Variants in HMCN2 observed in about 807,000 individuals in gnomAD.
The protein encoded by HMCN2 is hemicentin 2, also known as hemicentin-2.
HMCN2 carries 325 observed loss-of-function variants against 377.5 expected under a neutral mutation model. The ratio of observed to expected loss-of-function variants is 0.86; its 90% CI spans 0.79 to 0.94. The LOEUF is 0.94. HMCN2 is among the 40% of genes least tolerant of loss of function. HMCN2 has a pLI of 0.00. For synonymous variants in HMCN2, 2,007 were observed against 2,046.8 expected (o/e 0.98, Z 0.53); for missense variants, 4,543 against 4,725.3 (o/e 0.96, Z 1.13).
intron 22 of HMCN2, among the ~76,000 whole-genome samples, chr9:130,333,176 G>A (rs1053701086): frequency 2.6e-5 from 4 of 152,182 alleles, no homozygotes; most frequent in East Asian, 1.9e-4. Flanking sequence ...GGGGCATGCC[G>A]GGGACCTGGG....
At chr9:130,332,796 G>A (rs966001097) in intron 22 of HMCN2, among the ~76,000 whole-genome samples, 3 of 152,314 alleles carry the variant, frequency 2.0e-5, no homozygotes, top group African/African-American at 7.2e-5. Context: ...CAGGGCTGGC[G>A]TCCACTAGTG....
At chr9:130,305,066 A>T in intron 11 of HMCN2, 64 bp downstream of exon 11, 1 of 435,990 alleles carries the variant, frequency 2.3e-6, no homozygotes, top group South Asian at 1.7e-5. Context: ...TTACCCCAGA[A>T]GCCGCGAGTC....
At chr9:130,294,772 AG>A in intron 4 of HMCN2, 82 bp from the exon 5 acceptor site, 1 of 345,262 alleles carries the variant, frequency 2.9e-6, no homozygotes. Context: ...CGACCTGGAA[AG>A]TTTGTATGCT....
intron 19 of HMCN2, among the ~76,000 whole-genome samples, chr9:130,322,711 T>C (rs1420998429): frequency 6.6e-6 from 1 of 152,352 alleles, no homozygotes; most frequent in East Asian, 1.9e-4. Context: ...GGATTAAGTT[T>C]TGCATCACAG....
Position 130,393,199 on chromosome 9 carries a change from T to C in HMCN2, c.10137-13T>C. 1 of 987,948 alleles carries C rather than the reference T, an allele frequency of 1.0e-6. No homozygotes were observed. Among genetic ancestry groups the C allele is most frequent in the Non-Finnish European group, 1.2e-6 (1 of 830,116 alleles). 61.2% of individuals were successfully genotyped at this position (987,948 alleles called of 1,614,324 possible). A position where few individuals can be genotyped will look rare whatever the true frequency, so the allele number is the denominator to read the frequency against. ...CTCTTGTCTCCTTCTCCCTCTCCTCTCGGGGGATTCAGGATTTCCAAGGTG... is the reference window on the plus strand; with the variant it reads ...CTCTTGTCTCCTTCTCCCTCTCCTCCCGGGGGATTCAGGATTTCCAAGGTG... On this transcript the variant is annotated splice_polypyrimidine_tract_variant and intron_variant, in intron 66 of 97. Coordinates refer to ENST00000683500, the MANE Select transcript of HMCN2 (RefSeq NM_001291815.2). This position sits in a 1 kb window ranked among gnomAD's most constrained non-coding sequence, Gnocchi z 5.2.
chr9:130,333,088 G>A (rs1277546318), intron 22 of HMCN2, among the ~76,000 whole-genome samples: 1 of 152,178 alleles, frequency 6.6e-6, no homozygotes, highest in African/African-American at 2.4e-5. Context: ...GTGTGGCATG[G>A]ACAGGGAACA....
chr9:130,354,850 G>A lies in HMCN2; in HGVS notation c.4952G>A (p.Arg1651Lys), dbSNP rs1184218159. Reference protein sequence around the residue: ...GRPVALECVARGHPSPTLSWH... With the variant: ...GRPVALECVAKGHPSPTLSWH... ...CCTGTGGCGCTGGAGTGCGTGGCCA[G>A]AGGCCACCCGTCCCCCACCCTCTCC... is the stretch of plus-strand genomic sequence containing the variant. The change falls in exon 32 of 98, where the codon AGA becomes AAA. Residue 1651 changes from arginine to lysine, a missense_variant. Transcript: ENST00000683500. The A allele has an allele frequency of 7.7e-7, 1 of 1,304,272 alleles. No homozygotes were observed. Among genetic ancestry groups the A allele is most frequent in the Admixed American group, 2.3e-5 (1 of 43,574 alleles). 80.8% of individuals were successfully genotyped at this position (1,304,272 alleles called of 1,614,324 possible).
chr9:130,388,156 C>G (rs1211343919), intron 61 of HMCN2, among the ~76,000 whole-genome samples: 2 of 152,100 alleles, frequency 1.3e-5, no homozygotes, highest in Admixed American at 1.3e-4. Flanking sequence ...TGATGTCTGC[C>G]CTGGCACAGG....
chr9:130,331,008 A>ACACACACACACAC (rs1838396739), intron 22 of HMCN2, among the ~76,000 whole-genome samples: 3 of 53,628 alleles, frequency 5.6e-5, no homozygotes, highest in African/African-American at 1.6e-4. Context: ...CACACACACA[A>ACACACACACACAC]ATAGCCGGAC....
chr9:130,305,781 C>G (rs1435689360), intron 11 of HMCN2, among the ~76,000 whole-genome samples: 1 of 152,204 alleles, frequency 6.6e-6, no homozygotes, highest in East Asian at 1.9e-4. Flanking sequence ...GGGTCAACCT[C>G]AAGGTCACTG....
chr9:130,268,511 A>G (rs1038327588), intron 1 of HMCN2, among the ~76,000 whole-genome samples: 1 of 149,172 alleles, frequency 6.7e-6, no homozygotes, highest in African/African-American at 2.4e-5. Flanking sequence ...GGTGGGGAGT[A>G]GAAAGTGACA....
At chr9:130,426,864 A>T (rs1473021251) in intron 90 of HMCN2, among the ~76,000 whole-genome samples, 1 of 152,042 alleles carries the variant, frequency 6.6e-6, no homozygotes, top group Non-Finnish European at 1.5e-5. Flanking sequence ...AGAAGCCGAA[A>T]GATAGGACAC....
chr9:130,403,311 G>A lies in HMCN2; in HGVS notation c.11996G>A (p.Gly3999Glu), dbSNP rs1842939831. 7.8e-7 allele frequency: 1 copy of A among 1,289,918 alleles called. No individual in the cohort carries two copies. Among genetic ancestry groups the A allele is most frequent in the Non-Finnish European group, 1.0e-6 (1 of 988,896 alleles). The allele number at this position is 1,289,918 out of a possible 1,614,324, so 79.9% of individuals were successfully genotyped here. A position where few individuals can be genotyped will look rare whatever the true frequency, so the allele number is the denominator to read the frequency against. ...PRPTITWQKE[G>E]LNVATGVSTQ... ...CCGACCATCACCTGGCAGAAGGAAG[G>A]GCTCAACGTCGCTACTGGTGAGGGC... The change falls in exon 79 of 98, where the codon GGG (glycine) becomes GAG (glutamate). Residue 3999 changes from glycine (G) to glutamate (E), a missense_variant. Gly to Glu is a moderately conservative substitution (Grantham distance 98). This residue lies in a region of HMCN2 where 1,073 missense variants were observed against 1,319.5 expected (regional missense o/e 0.81). Coordinates refer to ENST00000683500, the MANE Select transcript of HMCN2 (RefSeq NM_001291815.2).
chr9:130,286,254 A>T lies in HMCN2; in HGVS notation c.556A>T (p.Ile186Phe), dbSNP rs1364652752. 8.5e-6 allele frequency: 4 copies of T among 470,990 alleles called. No individual in the cohort carries two copies. The highest frequency in any genetic ancestry group is 1.8e-5 in the Non-Finnish European group (4 of 227,066). 29.2% of individuals were successfully genotyped at this position (470,990 alleles called of 1,614,324 possible). A position where few individuals can be genotyped will look rare whatever the true frequency, so the allele number is the denominator to read the frequency against. ...TCCTGGCTACCTGGCTTATGAGGAGATCGCTGCCACCAGCTCTGGGCAGGT... is the reference window on the plus strand; with the variant it reads ...TCCTGGCTACCTGGCTTATGAGGAGTTCGCTGCCACCAGCTCTGGGCAGGT... ...THPGYLAYEE[I>F]AATSSGQVFH... Residue 186 changes from isoleucine (I) to phenylalanine (F), a missense_variant, in exon 4 of 98, where the codon ATC becomes TTC. Coordinates refer to ENST00000683500, the MANE Select transcript of HMCN2 (RefSeq NM_001291815.2).
In HMCN2 at chr9:130,423,222, C is replaced by T. The variant is rs1017431433; in HGVS notation, c.13381+496C>T. Among the ~76,000 whole-genome samples, 2 of 152,126 alleles carry T rather than the reference C, an allele frequency of 1.3e-5. No homozygotes were observed. Among genetic ancestry groups the T allele is most frequent in the Non-Finnish European group, 2.9e-5 (2 of 68,024 alleles). The stretch of plus-strand genomic sequence containing the variant: ...CACCTGCACACAGAGCTCTCATGTA[C>T]GGTGTCTGAGCGATGAATGCTCTGA... On this transcript the variant is annotated intron_variant, in intron 87 of 97. Coordinates refer to ENST00000683500, the MANE Select transcript of HMCN2 (RefSeq NM_001291815.2). The surrounding 1 kb of genome is among the most constrained non-coding windows in gnomAD (Gnocchi z 5.5).
intron 85 of HMCN2, among the ~76,000 whole-genome samples, chr9:130,413,932 G>A (rs1843549871): frequency 6.6e-6 from 1 of 150,410 alleles, no homozygotes; most frequent in Non-Finnish European, 1.5e-5. Context: ...GATCGCTTGA[G>A]CTCAGGAATT....
At position 130,355,739 on chromosome 9, in the gene HMCN2, C is replaced by T. The variant is rs1839990312; in HGVS notation, c.5147-7C>T. ...TCCAAACACCCAGGAGTGTGTTCTG[C>T]CTGCAGTGCCCCCACAGCTCCTGGT... is the stretch of plus-strand genomic sequence containing the variant. On this transcript the variant is annotated splice_polypyrimidine_tract_variant and splice_region_variant and intron_variant, in intron 32 of 97. Coordinates refer to ENST00000683500, the MANE Select transcript of HMCN2 (RefSeq NM_001291815.2). 2 of 1,299,424 alleles carry T rather than the reference C, an allele frequency of 1.5e-6. No individual in the cohort carries two copies. Among genetic ancestry groups the T allele is most frequent in the African/African-American group, 1.5e-5 (1 of 65,874 alleles). The allele number at this position is 1,299,424 out of a possible 1,614,324, so 80.5% of individuals were successfully genotyped here.
chr9:130,303,653 T>A lies in HMCN2; in HGVS notation c.1543+45T>A, dbSNP rs1182896448. The A allele has an allele frequency of 4.6e-6, 1 of 219,418 alleles. No individual in the cohort carries two copies. Among genetic ancestry groups the A allele is most frequent in the African/African-American group, 2.4e-5 (1 of 41,900 alleles). 13.6% of individuals were successfully genotyped at this position (219,418 alleles called of 1,614,324 possible). ...TCCATGTACCCCTTCCTTACCCTCT[T>A]CTTGGGTTCTTACCCCTAGGATTTC... On this transcript the variant is annotated intron_variant, in intron 10 of 97. Coordinates refer to ENST00000683500, the MANE Select transcript of HMCN2 (RefSeq NM_001291815.2). The surrounding 1 kb of genome is among the most constrained non-coding windows in gnomAD (Gnocchi z 5.2).
At position 130,353,026 on chromosome 9, in the gene HMCN2, C is replaced by G. The variant is rs1244336739; in HGVS notation, c.4685C>G (p.Pro1562Arg). 1.9e-5 allele frequency: 25 copies of G among 1,304,084 alleles called. No homozygotes were observed. The highest frequency in any genetic ancestry group is 2.3e-5 in the Non-Finnish European group (23 of 988,922). The allele number at this position is 1,304,084 out of a possible 1,614,324, so 80.8% of individuals were successfully genotyped here. Residue 1562 changes from proline to arginine, a missense_variant, in exon 31 of 98, where the codon CCA (proline) becomes CGA (arginine). By Grantham distance (103) the Pro-to-Arg change is moderately radical (BLOSUM62 -2). Coordinates refer to ENST00000683500, the MANE Select transcript of HMCN2 (RefSeq NM_001291815.2). ...TGTGAGGCTCGAGGAGTGCCCACCC[C>G]AAACATCACCTGGTTCAAGGACGGG... ...LLCEARGVPT[P>R]NITWFKDGAL...
Sources: gnomAD v4.1 joint callset for allele counts (sites outside exome capture counted in the v4.1 genomes callset) on GRCh38, gnomAD v4.1.1 for gene constraint, gnomAD v4.1.1 regional missense constraint, Gnocchi (gnomAD v3.1) non-coding constraint, MANE v1.5 for transcripts, NCBI Gene and HGNC (gene_info 2026-07-23, HGNC 2026-07-21) for gene names.